The following KRT40 variants were observed in gnomAD, a reference collection of about 807,000 sequenced individuals.
KRT40 encodes keratin 40, also known as keratin, type I cytoskeletal 40.
In KRT40, 47 loss-of-function variants were observed where a neutral mutation model predicts 43.5. The observed-to-expected ratio is 1.08, with a 90% confidence interval of 0.86 to 1.38. The LOEUF (loss-of-function observed/expected upper bound fraction) is 1.38, where lower values mean the gene tolerates loss of function less well. Among genes scored for constraint, KRT40 ranks in the 40% most tolerant of loss-of-function variants. The pLI, the probability that KRT40 is intolerant of heterozygous loss-of-function variation, is 0.00. For synonymous variants in KRT40, 212 were observed against 214.0 expected, an observed-to-expected ratio of 0.99 and a Z score of 0.08; for missense variants, 573 against 523.6, an observed-to-expected ratio of 1.09 and a Z score of -0.92.
chr17:40,980,340 A>G (rs1016460820), intron 5 of KRT40, among the ~76,000 whole-genome samples: 11 of 152,178 alleles, frequency 7.2e-5, no homozygotes, highest in African/African-American at 2.7e-4. Context: ...TCTTGAACGC[A>G]TGGTGTTCCT....
chr17:40,983,179 T>A, intron 1 of KRT40, 51 bp from the exon 2 acceptor site: 1 of 778,036 alleles, frequency 1.3e-6, no homozygotes, highest in Non-Finnish European at 2.2e-6. Flanking sequence ...GAAACCTAAG[T>A]AAACTTCTAT....
rs764843713 is a variant in KRT40, at chr17:40,980,827, T to C, written c.933A>G (p.Thr311=). ...GGAGCTCAATTTCCAGAGCACTGGC[T>C]GTGCGTTTCAGTTCCAAGATCTCCA... is the stretch of plus-strand genomic sequence containing the variant. ...CQMEILELKR[T]ASALEIELQA... is the part of the protein sequence containing the mutation. The change falls in exon 5 of 7, where the codon ACA becomes ACG. Residue 311 remains threonine (T), a synonymous_variant. Transcript: ENST00000377755. 2 of 1,612,592 alleles carry C rather than the reference T, an allele frequency of 1.2e-6. No homozygotes were observed. Among genetic ancestry groups the C allele is most frequent in the Non-Finnish European group, 1.7e-6 (2 of 1,179,892 alleles).
chr17:40,981,338 A>G (rs1323772980), intron 3 of KRT40, 187 bp from the exon 4 acceptor site: 2 of 1,074,830 alleles, frequency 1.9e-6, no homozygotes, highest in East Asian at 2.6e-5. Flanking sequence ...TAAAATGGAC[A>G]TAATAATTGG....
intron 5 of KRT40, among the ~76,000 whole-genome samples, chr17:40,979,603 C>T (rs1912021270): frequency 6.6e-6 from 1 of 152,104 alleles, no homozygotes; most frequent in East Asian, 1.9e-4. Context: ...ACTATGACTA[C>T]AGCAATACAT....
chr17:40,981,299 A>G (rs1192290868), intron 3 of KRT40, 148 bp from the exon 4 acceptor site: 1 of 1,448,934 alleles, frequency 6.9e-7, no homozygotes, highest in South Asian at 1.2e-5. Context: ...TCTTTTCACC[A>G]CTTAGAAGGG....
rs1912119893 is a variant in KRT40 at position 40,981,062 on chromosome 17, A to T, written c.777T>A (p.Asp259Glu). The T allele has an allele frequency of 6.2e-7, 1 of 1,611,100 alleles. No homozygotes were observed. Residue 259 changes from aspartate to glutamate, a missense_variant, in exon 4 of 7, where the codon GAT (aspartate) becomes GAA (glutamate). Asp to Glu is a conservative substitution (Grantham distance 45, BLOSUM62 2). Transcript: ENST00000377755. ...APTLDLNRVL[D>E]EMRCQCETVL... ...CCGTTTCACACTGACAGCGCATCTC[A>T]TCCAGGACCCTGTTGAGGTCAAGGG...
At position 40,978,362 on chromosome 17, in the gene KRT40, A is replaced by G. The variant is rs1911909044; in HGVS notation, c.1197-66T>C. The G allele has an allele frequency of 6.9e-6, 9 of 1,295,448 alleles. 1 individual carries two copies. The South Asian group carries it at 1.1e-4, about 15-fold the overall frequency. 80.2% of individuals were successfully genotyped at this position (1,295,448 alleles called of 1,614,324 possible). ...TGTTGATAAAATGGCAACTCAGAAAAACCGTGTCAAAATTTGCCCTACAAA... is the reference window on the plus strand; with the variant it reads ...TGTTGATAAAATGGCAACTCAGAAAGACCGTGTCAAAATTTGCCCTACAAA... On this transcript the variant is annotated intron_variant, in intron 6 of 6. Transcript: ENST00000377755.
At chr17:40,982,489 C>G (rs373826708) in intron 2 of KRT40, 26 bp from the exon 3 acceptor site, 13 of 1,519,130 alleles carry the variant, frequency 8.6e-6, no homozygotes, top group Non-Finnish European at 1.1e-5. Context: ...AGAAATCCAA[C>G]GCTTACTTTG....
At chr17:40,984,424 T>C, upstream of KRT40, 2 of 612,954 alleles carry the variant, frequency 3.3e-6, no homozygotes, top group East Asian at 5.5e-5. Flanking sequence ...CCAGTTTTCG[T>C]ACAAACATCT....
At chr17:40,979,131 A>G (rs1239302681) in intron 5 of KRT40, 107 bp from the exon 6 acceptor site, 4 of 768,736 alleles carry the variant, frequency 5.2e-6, no homozygotes, top group Non-Finnish European at 6.6e-6. Flanking sequence ...GACCACTGGC[A>G]AATTATTTAG....
chr17:40,978,517 T>A (rs1364432202), intron 6 of KRT40, among the ~76,000 whole-genome samples: 1 of 152,232 alleles, frequency 6.6e-6, no homozygotes, highest in African/African-American at 2.4e-5. Flanking sequence ...TTCTTGATTT[T>A]GCAAATGTTA....
chr17:40,985,363 T>C (rs928512900), upstream of KRT40, among the ~76,000 whole-genome samples: 4 of 152,288 alleles, frequency 2.6e-5, no homozygotes, highest in Admixed American at 2.0e-4. Flanking sequence ...TTGAATTATC[T>C]CTTGGATTTC....
rs772820858 is a variant in KRT40, at chr17:40,978,250, A to G, written c.1243T>C (p.Cys415Arg). 2.5e-6 allele frequency: 4 copies of G among 1,614,224 alleles called. No homozygotes were observed. Among genetic ancestry groups the G allele is most frequent in the Non-Finnish European group, 2.5e-6 (3 of 1,180,030 alleles). The change falls in exon 7 of 7, where the codon TGT becomes CGT. Residue 415 changes from cysteine (C) to arginine (R), a missense_variant. Physicochemically the swap from Cys to Arg is radical, Grantham distance 180 (BLOSUM62 -3). Coordinates refer to ENST00000377755, the MANE Select transcript of KRT40 (RefSeq NM_001389244.1). ...ATGACATAGGCTGAGCATGGCTCAC[A>G]AGTGTTGCTCGAGGTGCATGTGGTC... is the stretch of plus-strand genomic sequence containing the variant. The part of the protein sequence containing the change: ...CSTTCTSSNT[C>R]EPCSAYVICT...
chr17:40,981,695 G>A (rs2143678001), intron 3 of KRT40, among the ~76,000 whole-genome samples: 1 of 152,242 alleles, frequency 6.6e-6, no homozygotes, highest in East Asian at 1.9e-4. Flanking sequence ...GGAGCTAGGG[G>A]TGGCATAAAG....
At chr17:40,982,774 C>T (rs879277680) in intron 2 of KRT40, among the ~76,000 whole-genome samples, 14 of 152,176 alleles carry the variant, frequency 9.2e-5, no homozygotes, top group South Asian at 2.1e-4. Context: ...GAGGCCAAGG[C>T]GGGCAGATCA....
In KRT40 at chr17:40,984,210, C is replaced by T. The variant is rs753274317; in HGVS notation, c.64G>A (p.Ala22Thr). 6.2e-7 allele frequency: 1 copy of T among 1,613,850 alleles called. No individual in the cohort carries two copies. The highest frequency in any genetic ancestry group is 1.3e-5 in the African/African-American group (1 of 74,880). The change falls in exon 1 of 7, where the codon GCA (alanine) becomes ACA (threonine). Residue 22 changes from alanine (A) to threonine (T), a missense_variant. Coordinates refer to ENST00000377755, the MANE Select transcript of KRT40 (RefSeq NM_001389244.1). ...PESCGTASGC[A>T]PASSCSVETA... ...TCCACGGAGCAGCTTGAGGCAGGTG[C>T]ACAACCGGAAGCCGTGCCACAGGAC...
chr17:40,980,638 C>T, intron 5 of KRT40, 147 bp downstream of exon 5: 2 of 1,045,348 alleles, frequency 1.9e-6, no homozygotes, highest in Non-Finnish European at 2.7e-6. Flanking sequence ...AGCTGTGGAC[C>T]TGTCACTTCT....
chr17:40,983,575 C>G (rs865953767), intron 1 of KRT40, among the ~76,000 whole-genome samples: 24 of 152,132 alleles, frequency 1.6e-4, no homozygotes, highest in African/African-American at 4.6e-4. Flanking sequence ...TACAGTTTTT[C>G]TGCATTCTAT....
Position 40,984,126 on chromosome 17 carries a change from A to T in KRT40, c.148T>A (p.Ser50Thr), listed in dbSNP as rs766150370. The T allele has an allele frequency of 6.8e-6, 11 of 1,614,110 alleles. No individual in the cohort carries two copies. The highest frequency in any genetic ancestry group is 9.3e-6 in the Non-Finnish European group (11 of 1,180,030). The part of the protein sequence containing the change: ...TSRCQTPSFL[S>T]RSRGLTGCLL... ...CAACCAGTCAGCCCGCGAGACCTGG[A>T]TAGGAAGCTTGGAGTCTGACATCGG... The change falls in exon 1 of 7, where the codon TCC (serine) becomes ACC (threonine). Residue 50 changes from serine (S) to threonine (T), a missense_variant. Transcript: ENST00000377755.
Sources: allele counts gnomAD v4.1 joint callset (sites outside exome capture counted in the v4.1 genomes callset), GRCh38; gene constraint gnomAD v4.1.1; transcripts MANE v1.5; gene names NCBI Gene and HGNC (gene_info 2026-07-23, HGNC 2026-07-21).